Variants in CACNB2 observed in about 807,000 individuals in gnomAD.
CACNB2 encodes calcium voltage-gated channel auxiliary subunit beta 2.
A neutral mutation model predicts 73.3 loss-of-function variants in CACNB2; 42 were observed. The ratio of observed to expected loss-of-function variants is 0.57; its 90% CI spans 0.45 to 0.74. CACNB2 has a LOEUF of 0.74. Ranked by LOEUF, CACNB2 falls within the 30% of genes least tolerant of loss-of-function variation. The probability of loss-of-function intolerance (pLI) is 0.00; values close to 1 mark genes in which losing one functional copy is unlikely to be tolerated. For synonymous variants in CACNB2, 348 were observed against 310.3 expected (o/e 1.12, Z -1.28); for missense variants, 940 against 853.0 (o/e 1.10, Z -1.27).
chr10:18,534,833 G>A (rs2053408005), intron 11 of CACNB2, among the ~76,000 whole-genome samples: 1 of 152,188 alleles, frequency 6.6e-6, no homozygotes, highest in African/African-American at 2.4e-5. Flanking sequence ...GTTTTTCATA[G>A]AATACCATTT....
intron 3 of CACNB2, among the ~76,000 whole-genome samples, chr10:18,425,575 G>C (rs1027629370): frequency 6.6e-6 from 1 of 152,104 alleles, no homozygotes; most frequent in African/African-American, 2.4e-5. Flanking sequence ...GGCTGAGTTG[G>C]GGGGGTTGCT....
chr10:18,532,811 TAACAGATGA>T (rs1170206894), intron 10 of CACNB2, among the ~76,000 whole-genome samples: 1 of 152,046 alleles, frequency 6.6e-6, no homozygotes, highest in African/African-American at 2.4e-5. Context: ...TCTGAACACT[TAACAGATGA>T]AACAAAGATG....
intron 2 of CACNB2, among the ~76,000 whole-genome samples, chr10:18,351,438 T>C (rs1666528003): frequency 6.6e-6 from 1 of 152,230 alleles, no homozygotes. Context: ...ATGATTACTG[T>C]CTCTTTACAT....
chr10:18,304,878 C>A (rs2039668248), intron 2 of CACNB2, among the ~76,000 whole-genome samples: 1 of 152,202 alleles, frequency 6.6e-6, no homozygotes, highest in African/African-American at 2.4e-5. Flanking sequence ...ACAGGTCATG[C>A]TGTACATTTC....
intron 2 of CACNB2, among the ~76,000 whole-genome samples, chr10:18,357,217 A>G (rs1449291788): frequency 6.6e-6 from 1 of 151,982 alleles, no homozygotes; most frequent in Non-Finnish European, 1.5e-5. Flanking sequence ...TGCTGGGATT[A>G]CAGGCGTGAG....
chr10:18,525,596 T>C (rs1421055067), intron 9 of CACNB2, among the ~76,000 whole-genome samples: 1 of 152,170 alleles, frequency 6.6e-6, no homozygotes, highest in Non-Finnish European at 1.5e-5. Context: ...TGTTATGAAA[T>C]TCATAAAAAT....
intron 2 of CACNB2, among the ~76,000 whole-genome samples, chr10:18,365,344 G>A (rs769573052): frequency 6.6e-6 from 1 of 152,080 alleles, no homozygotes; most frequent in Non-Finnish European, 1.5e-5. Context: ...ATTCTTTAAG[G>A]CCTCTTTTTA....
intron 2 of CACNB2, among the ~76,000 whole-genome samples, chr10:18,222,102 A>G (rs1002751734): frequency 1.2e-4 from 19 of 152,224 alleles, no homozygotes; most frequent in African/African-American, 4.3e-4. Context: ...TATCCCTGGC[A>G]GGAGTACACA....
chr10:18,317,416 T>C (rs1730203452), intron 2 of CACNB2, among the ~76,000 whole-genome samples: 1 of 152,154 alleles, frequency 6.6e-6, no homozygotes, highest in Admixed American at 6.5e-5. Flanking sequence ...GGGACTCCAG[T>C]GTTCATTGTT....
chr10:18,215,969 A>G (rs555039908), intron 2 of CACNB2, among the ~76,000 whole-genome samples: 15 of 152,174 alleles, frequency 9.9e-5, no homozygotes, highest in African/African-American at 3.4e-4. Flanking sequence ...GGTGATTGTC[A>G]TTCTATAATT....
chr10:18,171,543 A>AAAAAAAAAAAAAAAG (rs1564314409), intron 2 of CACNB2, among the ~76,000 whole-genome samples: 16 of 138,886 alleles, frequency 1.2e-4, no homozygotes, highest in African/African-American at 4.9e-4. Flanking sequence ...AAAAAAAAAA[A>AAAAAAAAAAAAAAAG]AAAAAAGGCT....
chr10:18,375,984 A>G (rs936310969), intron 2 of CACNB2, among the ~76,000 whole-genome samples: 3 of 152,224 alleles, frequency 2.0e-5, no homozygotes, highest in South Asian at 4.1e-4. Flanking sequence ...TAGCAATCCA[A>G]TTTCTGGATA....
At chr10:18,450,582 A>G (rs2046969221) in intron 3 of CACNB2, among the ~76,000 whole-genome samples, 1 of 151,798 alleles carries the variant, frequency 6.6e-6, no homozygotes, top group Admixed American at 6.6e-5. Flanking sequence ...GAGGGAGCAA[A>G]ATAGTGTAAA....
chr10:18,347,168 T>A (rs907405813), intron 2 of CACNB2, among the ~76,000 whole-genome samples: 19 of 151,914 alleles, frequency 1.3e-4, no homozygotes, highest in East Asian at 1.2e-3. Flanking sequence ...CAAGATTTTA[T>A]TTTATTTTAT....
chr10:18,288,676 T>TACACACACACACACACACAC (rs372916856), intron 2 of CACNB2, among the ~76,000 whole-genome samples: 3,432 of 144,304 alleles, frequency 0.024, 63 homozygotes, highest in African/African-American at 0.032. Flanking sequence ...ATGAGATTTA[T>TACACACACACACACACACAC]ACACACACAC....
chr10:18,381,247 G>T (rs547876535), intron 2 of CACNB2, among the ~76,000 whole-genome samples: 24 of 151,000 alleles, frequency 1.6e-4, no homozygotes, highest in Non-Finnish European at 2.5e-4. Flanking sequence ...GGTGGCTCAC[G>T]CCTATAATCC....
At chr10:18,382,972 G>A (rs955347306) in intron 2 of CACNB2, among the ~76,000 whole-genome samples, 30 of 152,248 alleles carry the variant, frequency 2.0e-4, no homozygotes, top group African/African-American at 6.3e-4. Context: ...CACAAGCTTG[G>A]TGTCTCTTCT....
intron 2 of CACNB2, among the ~76,000 whole-genome samples, chr10:18,351,578 C>T (rs2132138968): frequency 6.6e-6 from 1 of 152,208 alleles, no homozygotes; most frequent in South Asian, 2.1e-4. Context: ...CGTTTTCTGC[C>T]TTTTTCACTC....
intron 2 of CACNB2, chr10:18,234,339 C>G (rs2036344511): frequency 6.6e-6 from 1 of 152,158 alleles, no homozygotes; most frequent in African/African-American, 2.4e-5. Context: ...ATGGCAGTTC[C>G]TCAGCATATT....
Sources: gnomAD v4.1 joint callset for allele counts (sites outside exome capture counted in the v4.1 genomes callset) on GRCh38, gnomAD v4.1.1 for gene constraint, MANE v1.5 for transcripts, NCBI Gene and HGNC (gene_info 2026-07-23, HGNC 2026-07-21) for gene names.